REDIC1: variants seen among roughly 807,000 people sequenced by gnomAD.
REDIC1 encodes the protein regulator of DNA class I crossover intermediates 1.
the REDIC1 span, among the ~76,000 whole-genome samples, chr12:39,653,573 TTTCTTCCTCTTC>T: frequency 0.031 from 1,942 of 63,214 alleles, 208 homozygotes; most frequent in South Asian, 0.058. Flanking sequence ...TCTTCTTCTT[TTTCTTCCTCTTC>T]TTCTTCCTCT....
chr12:39,895,526 ATATATATATAT>A, the REDIC1 span, among the ~76,000 whole-genome samples: 1 of 41,122 alleles, frequency 2.4e-5, no homozygotes, highest in Non-Finnish European at 5.5e-5. Context: ...ATATATATAT[ATATATATATAT>A]ATATATATAT....
chr12:39,672,911 G>A, the REDIC1 span, among the ~76,000 whole-genome samples: 1 of 152,096 alleles, frequency 6.6e-6, no homozygotes, highest in Non-Finnish European at 1.5e-5. Context: ...GGTTTGTTGG[G>A]ACCTGGCATT....
At chr12:39,889,683 C>T in the REDIC1 span, among the ~76,000 whole-genome samples, 1 of 151,876 alleles carries the variant, frequency 6.6e-6, no homozygotes, top group African/African-American at 2.4e-5. Context: ...CAGGTGCCCA[C>T]CACCACGCCC....
the REDIC1 span, chr12:39,864,662 C>G: frequency 6.8e-7 from 1 of 1,470,420 alleles, no homozygotes; most frequent in African/African-American, 1.4e-5. Flanking sequence ...CCTGGATGCC[C>G]AGCAAGCTCC....
chr12:39,879,507 T>C, the REDIC1 span, among the ~76,000 whole-genome samples: 1 of 152,212 alleles, frequency 6.6e-6, no homozygotes, highest in East Asian at 1.9e-4. Context: ...ATGTGGAACA[T>C]GCAGTCAGAG....
chr12:39,827,145 T>C, the REDIC1 span, among the ~76,000 whole-genome samples: 1 of 151,922 alleles, frequency 6.6e-6, no homozygotes, highest in East Asian at 1.9e-4. Context: ...ATTCCTAACA[T>C]GCCTCTATGG....
At chr12:39,728,717 A>T in the REDIC1 span, among the ~76,000 whole-genome samples, 1 of 150,626 alleles carries the variant, frequency 6.6e-6, no homozygotes, top group East Asian at 2.0e-4. Context: ...TTTCAGAAGG[A>T]ATGGTACCAG....
the REDIC1 span, among the ~76,000 whole-genome samples, chr12:39,676,779 A>C: frequency 2.0e-5 from 3 of 152,198 alleles, no homozygotes; most frequent in Admixed American, 6.5e-5. Flanking sequence ...CCTACAAGCC[A>C]GAAGGAATTG....
the REDIC1 span, among the ~76,000 whole-genome samples, chr12:39,681,026 C>G: frequency 6.6e-6 from 1 of 152,134 alleles, no homozygotes; most frequent in Non-Finnish European, 1.5e-5. Flanking sequence ...AATCCCAGCA[C>G]TTTGGGATGC....
the REDIC1 span, among the ~76,000 whole-genome samples, chr12:39,736,402 A>G: frequency 6.6e-6 from 1 of 152,202 alleles, no homozygotes; most frequent in Admixed American, 6.5e-5. Context: ...GAGGATAGCT[A>G]TATTTTATGA....
At chr12:39,789,973 T>A in the REDIC1 span, among the ~76,000 whole-genome samples, 3 of 152,150 alleles carry the variant, frequency 2.0e-5, no homozygotes, top group South Asian at 6.2e-4. Context: ...AATATAATTT[T>A]AAATTTTCTA....
At chr12:39,631,189 C>T in the REDIC1 span, among the ~76,000 whole-genome samples, 1 of 152,146 alleles carries the variant, frequency 6.6e-6, no homozygotes, top group Non-Finnish European at 1.5e-5. Flanking sequence ...TGTGCCCGGC[C>T]TATTGAACAT....
chr12:39,896,252 GTATGTATATGTGTGTATATATGTATACAT>G, the REDIC1 span, among the ~76,000 whole-genome samples: 2 of 84,404 alleles, frequency 2.4e-5, no homozygotes, highest in East Asian at 8.1e-4. Flanking sequence ...ATGTATACAT[GTATGTATATGTGTGTATATATGTATACAT>G]GTATGTATAT....
chr12:39,808,758 C>T, the REDIC1 span, among the ~76,000 whole-genome samples: 1 of 151,976 alleles, frequency 6.6e-6, no homozygotes, highest in Non-Finnish European at 1.5e-5. Flanking sequence ...AATCTTTTGG[C>T]GTCTTTTGAA....
At chr12:39,730,365 T>A in the REDIC1 span, among the ~76,000 whole-genome samples, 3 of 152,188 alleles carry the variant, frequency 2.0e-5, no homozygotes, top group Non-Finnish European at 4.4e-5. Context: ...GTGACAAAAA[T>A]TTTTCAGCAT....
chr12:39,782,738 C>A, the REDIC1 span, among the ~76,000 whole-genome samples: 1 of 152,000 alleles, frequency 6.6e-6, no homozygotes, highest in Non-Finnish European at 1.5e-5. Flanking sequence ...TTTGGAACAT[C>A]CTAAAGACAT....
At chr12:39,692,058 G>C in the REDIC1 span, 1 of 1,576,744 alleles carries the variant, frequency 6.3e-7, no homozygotes, top group East Asian at 2.3e-5. Flanking sequence ...GATTCTGATG[G>C]AAGAAGGAGG....
chr12:39,730,211 C>A, the REDIC1 span, among the ~76,000 whole-genome samples: 1 of 152,168 alleles, frequency 6.6e-6, no homozygotes, highest in Non-Finnish European at 1.5e-5. Context: ...ATGATGTCAG[C>A]TGGTTATTTT....
the REDIC1 span, among the ~76,000 whole-genome samples, chr12:39,683,898 T>C: frequency 6.6e-6 from 1 of 152,130 alleles, no homozygotes; most frequent in Non-Finnish European, 1.5e-5. Flanking sequence ...TTGGTTGGTA[T>C]AGAATCACTA....
Sources: allele counts gnomAD v4.1 joint callset (sites outside exome capture counted in the v4.1 genomes callset), GRCh38; gene constraint gnomAD v4.1.1; transcripts MANE v1.5; gene names NCBI Gene and HGNC (gene_info 2026-07-23, HGNC 2026-07-21).